The following CDH13 variants were observed in gnomAD, a reference collection of about 807,000 sequenced individuals.
CDH13 encodes the protein cadherin-13.
Under a neutral mutation model 63.8 loss-of-function variants are expected in CDH13, and 24 were observed. The ratio of observed to expected loss-of-function variants is 0.38; its 90% confidence interval spans 0.27 to 0.53. CDH13 has a LOEUF of 0.53. Ranked by LOEUF, CDH13 falls within the 20% of genes least tolerant of loss-of-function variation. The probability of loss-of-function intolerance (pLI) is 0.85; values close to 1 mark genes in which losing one functional copy is unlikely to be tolerated. For missense variants in CDH13, 1,049 were observed against 903.1 expected (o/e 1.16, Z -2.07); for synonymous variants, 503 against 355.3 (o/e 1.42, Z -4.67).
At chr16:82,826,700 T>C (rs2038272781) in intron 1 of CDH13, 1 of 152,250 alleles carries the variant, frequency 6.6e-6, no homozygotes, top group African/African-American at 2.4e-5. Flanking sequence ...AATTACTGAA[T>C]GTGGTAATTT....
At chr16:82,749,796 C>A (rs557475694) in intron 1 of CDH13, among the ~76,000 whole-genome samples, 4 of 152,168 alleles carry the variant, frequency 2.6e-5, no homozygotes, top group Non-Finnish European at 5.9e-5. Context: ...TTGCCTCCCT[C>A]ATTTTCTCCC....
At chr16:83,585,989 C>A (rs1906117911) in intron 7 of CDH13, among the ~76,000 whole-genome samples, 1 of 152,174 alleles carries the variant, frequency 6.6e-6, no homozygotes, top group Non-Finnish European at 1.5e-5. Context: ...TCCTCAACTG[C>A]ACAATGAACA....
intron 7 of CDH13, among the ~76,000 whole-genome samples, chr16:83,554,856 C>T (rs1256220301): frequency 6.6e-6 from 1 of 152,062 alleles, no homozygotes; most frequent in Non-Finnish European, 1.5e-5. Context: ...CTTTACCTCC[C>T]TGCACACACA....
intron 8 of CDH13, among the ~76,000 whole-genome samples, chr16:83,604,211 C>T (rs1472449997): frequency 6.6e-6 from 1 of 152,112 alleles, no homozygotes; most frequent in African/African-American, 2.4e-5. Flanking sequence ...GTGTCTTGGG[C>T]ACTCAGGATT....
At chr16:83,014,755 T>G (rs1156481006) in intron 2 of CDH13, among the ~76,000 whole-genome samples, 1 of 45,044 alleles carries the variant, frequency 2.2e-5, no homozygotes, top group African/African-American at 9.2e-5. Flanking sequence ...TATATATATA[T>G]ATATATATAT....
intron 1 of CDH13, among the ~76,000 whole-genome samples, chr16:82,756,996 C>T (rs1176458788): frequency 6.6e-6 from 1 of 152,058 alleles, no homozygotes; most frequent in East Asian, 1.9e-4. Flanking sequence ...GACGACTGAC[C>T]TTTCCTTTTC....
At chr16:82,634,929 G>T (rs3852729) in intron 1 of CDH13, among the ~76,000 whole-genome samples, 75,823 of 152,064 alleles carry the variant, frequency 0.5, 19,309 homozygotes, top group Middle Eastern at 0.56. Context: ...ACTTGTGTGT[G>T]CAGGATACAG....
chr16:83,398,865 C>G (rs1237149524), intron 6 of CDH13, among the ~76,000 whole-genome samples: 1 of 152,146 alleles, frequency 6.6e-6, no homozygotes, highest in Non-Finnish European at 1.5e-5. Flanking sequence ...AGCTCTTCTA[C>G]TAGAATTAAT....
intron 5 of CDH13, among the ~76,000 whole-genome samples, chr16:83,318,057 G>T (rs2090142783): frequency 6.6e-6 from 1 of 152,194 alleles, no homozygotes; most frequent in African/African-American, 2.4e-5. Flanking sequence ...TTTTCCCTCT[G>T]TGAAGTAGGG....
intron 1 of CDH13, among the ~76,000 whole-genome samples, chr16:82,692,577 A>G (rs1414696827): frequency 6.6e-6 from 1 of 152,198 alleles, no homozygotes; most frequent in Non-Finnish European, 1.5e-5. Context: ...CTTCCATGAC[A>G]TGTGAGAATT....
In CDH13 at chr16:83,345,025, C is replaced by T; in HGVS notation, c.781+19C>T. The T allele has an allele frequency of 1.2e-6, 2 of 1,611,532 alleles. No individual in the cohort carries two copies. The highest frequency in any genetic ancestry group is 1.7e-6 in the Non-Finnish European group (2 of 1,178,066). On this transcript the variant is annotated intron_variant, in intron 6 of 13. Transcript: ENST00000567109. ...CCCACAGGTATGTCACATTGGCTTA[C>T]CTTTAGCGTAATGGCTTGGAAAGAG...
intron 1 of CDH13, among the ~76,000 whole-genome samples, chr16:82,666,832 G>C (rs1041229743): frequency 6.6e-6 from 1 of 152,176 alleles, no homozygotes; most frequent in African/African-American, 2.4e-5. Flanking sequence ...GAGCCAGCCT[G>C]CCTTCCCACC....
chr16:83,678,535 G>C, intron 10 of CDH13, 74 bp downstream of exon 10: 1 of 1,559,224 alleles, frequency 6.4e-7, no homozygotes. Flanking sequence ...GCAGAAGCTG[G>C]TTGTCAGGAG....
intron 5 of CDH13, among the ~76,000 whole-genome samples, chr16:83,223,507 G>T (rs918772): frequency 0.98 from 149,257 of 152,358 alleles, 73,192 homozygotes; most frequent in East Asian, 1. Flanking sequence ...AAAGAGTCAA[G>T]GTCGCTGCTG....
intron 1 of CDH13, chr16:82,646,391 A>C (rs1235209751): frequency 6.6e-6 from 1 of 152,040 alleles, no homozygotes; most frequent in African/African-American, 2.4e-5. Flanking sequence ...ATGGGGTTTG[A>C]CCATGTTGGC....
intron 11 of CDH13, among the ~76,000 whole-genome samples, chr16:83,761,644 G>A (rs1052382656): frequency 1.3e-5 from 2 of 152,224 alleles, no homozygotes; most frequent in African/African-American, 4.8e-5. Flanking sequence ...CACGAGAGTA[G>A]GTGACAGTCT....
intron 6 of CDH13, among the ~76,000 whole-genome samples, chr16:83,345,295 A>T (rs955301470): frequency 6.6e-6 from 1 of 152,216 alleles, no homozygotes; most frequent in African/African-American, 2.4e-5. Flanking sequence ...GTAAATATCC[A>T]GCTTACCTTT....
chr16:82,985,245 A>G (rs962472969), intron 2 of CDH13, among the ~76,000 whole-genome samples: 2 of 152,178 alleles, frequency 1.3e-5, no homozygotes, highest in East Asian at 1.9e-4. Flanking sequence ...AGACCTTAGG[A>G]GAACTTCTTT....
At chr16:83,142,785 C>T (rs1430430498) in intron 4 of CDH13, among the ~76,000 whole-genome samples, 1 of 152,096 alleles carries the variant, frequency 6.6e-6, no homozygotes, top group Admixed American at 6.5e-5. Flanking sequence ...AGGCCAACTC[C>T]AGTGGTCTCT....
Sources: allele counts gnomAD v4.1 joint callset (sites outside exome capture counted in the v4.1 genomes callset), GRCh38; gene constraint gnomAD v4.1.1; transcripts MANE v1.5; gene names NCBI Gene and HGNC (gene_info 2026-07-23, HGNC 2026-07-21).